Variants in EMC10 observed in about 807,000 individuals in gnomAD.
EMC10 encodes UPF0510 protein INM02.
EMC10 carries 40 observed loss-of-function variants against 32.2 expected under a neutral mutation model. The observed-to-expected ratio is 1.24, with a 90% CI of 0.96 to 1.61. The LOEUF (loss-of-function observed/expected upper bound fraction) is 1.61, where lower values mean the gene tolerates loss of function less well. Among genes scored for constraint, EMC10 ranks in the 40% most tolerant of loss-of-function variants. The pLI is 0.00. For missense variants in EMC10, 402 were observed against 357.7 expected, an observed-to-expected ratio of 1.12 and a Z score of -1.00; for synonymous variants, 178 against 158.4, an observed-to-expected ratio of 1.12 and a Z score of -0.93.
chr19:50,480,204 T>A lies in EMC10; in HGVS notation c.391T>A (p.Phe131Ile). The change falls in exon 4 of 7, where the codon TTT becomes ATT. Residue 131 changes from phenylalanine (F) to isoleucine (I), a missense_variant. Physicochemically the swap from Phe to Ile is conservative, Grantham distance 21 (BLOSUM62 0). Coordinates refer to ENST00000334976, the MANE Select transcript of EMC10 (RefSeq NM_206538.4). The surrounding 1 kb of genome is among the most constrained non-coding windows in gnomAD (Gnocchi z 4.4). Reference sequence around the variant, plus strand: ...GGAAGCTGGTGGCTATGTCTCCTCCTTTGTCCCTGCGGTGAGTTGGTGTCG... The same window carrying A: ...GGAAGCTGGTGGCTATGTCTCCTCCATTGTCCCTGCGGTGAGTTGGTGTCG... The part of the protein sequence containing the change: ...GLEAGGYVSS[F>I]VPACSLVESH... The A allele has an allele frequency of 6.2e-7, 1 of 1,613,670 alleles. No homozygotes were observed. Among genetic ancestry groups the A allele is most frequent in the Non-Finnish European group, 8.5e-7 (1 of 1,179,840 alleles).
At chr19:50,476,759 A>C in intron 1 of EMC10, 101 bp downstream of exon 1, 1 of 742,170 alleles carries the variant, frequency 1.3e-6, no homozygotes, top group East Asian at 3.2e-5. Context: ...CGCAGGGCTG[A>C]GAGGGAAGAG....
At chr19:50,481,394 G>A (rs2040317146) in intron 6 of EMC10, 1 of 219,646 alleles carries the variant, frequency 4.6e-6, no homozygotes, top group African/African-American at 2.3e-5. Context: ...CAGGGTGCCT[G>A]GGAGGCCTCC....
At position 50,482,199 on chromosome 19, in the gene EMC10, A is replaced by G. The variant is rs2122665014; in HGVS notation, c.729A>G (p.Pro243=). ...TGTTCCTCATGATGTCAGGAGCGCCAGACACCGGGGGCCAGGGTGGGGGTG... is the reference window on the plus strand; with the variant it reads ...TGTTCCTCATGATGTCAGGAGCGCCGGACACCGGGGGCCAGGGTGGGGGTG... ...VVLFLMMSGA[P]DTGGQGGGGG... The change falls in exon 7 of 7, where the codon CCA becomes CCG. Residue 243 remains proline, a synonymous_variant. Coordinates refer to ENST00000334976, the MANE Select transcript of EMC10 (RefSeq NM_206538.4). 1.1e-6 allele frequency: 1 copy of G among 933,380 alleles called. No homozygotes were observed. Among genetic ancestry groups the G allele is most frequent in the African/African-American group, 1.8e-5 (1 of 55,094 alleles). The allele number at this position is 933,380 out of a possible 1,614,324, so 57.8% of individuals were successfully genotyped here.
rs950016888 is a variant in EMC10 at position 50,488,106 on chromosome 19, C to T, written c.*5847C>T. ...AGGAGATCGAGACCGTCCTGGCTAA[C>T]ACGGTGAAACCCTGTCTCTACTAAA... On this transcript the variant is annotated 3_prime_UTR_variant, in exon 7 of 7. Transcript: ENST00000334976. 1.3e-5 allele frequency: 2 copies of T among 151,706 alleles called. No homozygotes were observed. Among genetic ancestry groups the T allele is most frequent in the East Asian group, 3.9e-4 (2 of 5,116 alleles). 9.4% of individuals were successfully genotyped at this position (151,706 alleles called of 1,614,324 possible).
chr19:50,489,579 CTGCCAGACCCGGCGGGTCCAGGT>C lies in EMC10; in HGVS notation c.*7323_*7345del, dbSNP rs1353110714. The C allele has an allele frequency of 6.6e-6, 1 of 152,452 alleles. No individual in the cohort carries two copies. The highest frequency in any genetic ancestry group is 6.5e-5 in the Admixed American group (1 of 15,288). The allele number at this position is 152,452 out of a possible 1,614,324, so 9.4% of individuals were successfully genotyped here. On this transcript the variant is annotated 3_prime_UTR_variant, in exon 7 of 7. Coordinates refer to ENST00000334976, the MANE Select transcript of EMC10 (RefSeq NM_206538.4). ...CAGCCCAGGCTACTGCGGGGACAGG[CTGCCAGACCCGGCGGGTCCAGGT>C]TGGGAACTCGGCCATGCAGCAGAAA... is the stretch of plus-strand genomic sequence containing the variant.
Position 50,480,729 on chromosome 19 carries a change from C to T in EMC10, c.551C>T (p.Ser184Leu), listed in dbSNP as rs369893864. The change falls in exon 5 of 7, where the codon TCG (serine) becomes TTG (leucine). Residue 184 changes from serine to leucine, a missense_variant. By Grantham distance (145) the Ser-to-Leu change is moderately radical (BLOSUM62 -2). Coordinates refer to ENST00000334976, the MANE Select transcript of EMC10 (RefSeq NM_206538.4). This position sits in a 1 kb window ranked among gnomAD's most constrained non-coding sequence, Gnocchi z 4.4. ...GTGGACCTGGAGCTGTTCAACACCT[C>T]GGTGCAGCTGCAGCCGCCCACCACA... The part of the protein sequence containing the change: ...EDVDLELFNT[S>L]VQLQPPTTAP... 3.0e-5 allele frequency: 48 copies of T among 1,602,642 alleles called. No homozygotes were observed. The highest frequency in any genetic ancestry group is 3.7e-5 in the Non-Finnish European group (44 of 1,175,360).
chr19:50,482,006 G>A lies in EMC10; in HGVS notation c.679-143G>A, dbSNP rs1340619420. On this transcript the variant is annotated intron_variant, in intron 6 of 6. Coordinates refer to ENST00000334976, the MANE Select transcript of EMC10 (RefSeq NM_206538.4). The stretch of plus-strand genomic sequence containing the variant: ...CCACTGGCCCTCCCTGACCTGTAGT[G>A]ACGTAGGGGACCTGGGCGCCCTCCC... 3.4e-5 allele frequency: 54 copies of A among 1,595,612 alleles called. No individual in the cohort carries two copies. In the East Asian group the frequency reaches 1.2e-3, roughly 36 times the overall value.
chr19:50,478,305 A>T (rs558709493), intron 2 of EMC10, among the ~76,000 whole-genome samples: 51 of 152,308 alleles, frequency 3.3e-4, no homozygotes, highest in African/African-American at 1.2e-3. Context: ...ATTAACTCAG[A>T]TGTCCTCACA....
intron 1 of EMC10, 46 bp downstream of exon 1, chr19:50,476,704 C>T (rs746374546): frequency 4.8e-6 from 6 of 1,258,784 alleles, no homozygotes; most frequent in African/African-American, 4.7e-5. Flanking sequence ...CTACGGATGT[C>T]GCAGGTCTTG....
intron 3 of EMC10, among the ~76,000 whole-genome samples, chr19:50,479,312 G>GCGGT (rs1376437841): frequency 2.0e-5 from 3 of 152,232 alleles, no homozygotes; most frequent in Non-Finnish European, 4.4e-5. Context: ...CCCTCTGCTG[G>GCGGT]CAGACCCCCT....
chr19:50,480,053 C>A lies in EMC10; in HGVS notation c.298-58C>A. The A allele has an allele frequency of 7.0e-7, 1 of 1,424,950 alleles. No individual in the cohort carries two copies. Among genetic ancestry groups the A allele is most frequent in the Admixed American group, 2.1e-5 (1 of 47,624 alleles). The allele number at this position is 1,424,950 out of a possible 1,614,324, so 88.3% of individuals were successfully genotyped here. A position where few individuals can be genotyped will look rare whatever the true frequency, so the allele number is the denominator to read the frequency against. On this transcript the variant is annotated intron_variant, in intron 3 of 6. Transcript: ENST00000334976. The surrounding 1 kb of genome is among the most constrained non-coding windows in gnomAD (Gnocchi z 4.4). ...CTTCGCGGAGGCCTGGTGGGCATCA[C>A]AGCCTGTCCAGGGCTGACACCATCC...
In EMC10 at chr19:50,480,673, C is replaced by T. The variant is rs10409679; in HGVS notation, c.495C>T (p.Pro165=). ...NVVGVSVVTH[P]GGCRGHEVED... ...TGGGCGTGTCGGTGGTGACGCACCC[C>T]GGGGGCTGCCGGGGCCATGAGGTGG... is the stretch of plus-strand genomic sequence containing the variant. The change falls in exon 5 of 7, where the codon CCC becomes CCT. Residue 165 remains proline, a synonymous_variant. Coordinates refer to ENST00000334976, the MANE Select transcript of EMC10 (RefSeq NM_206538.4). The surrounding 1 kb of genome is among the most constrained non-coding windows in gnomAD (Gnocchi z 4.4). The T allele has an allele frequency of 0.58, 933,474 of 1,598,970 alleles. 275,466 individuals carry two copies. The highest frequency in any genetic ancestry group is 0.7 in the Admixed American group (40,622 of 58,220).
intron 6 of EMC10, 84 bp from the exon 7 acceptor site, chr19:50,482,065 G>T (rs891508950): frequency 7.1e-7 from 1 of 1,412,956 alleles, no homozygotes; most frequent in Non-Finnish European, 1.0e-6. Context: ...GGTCCCCACC[G>T]TGGGTGGGTG....
rs114171963 is a variant in EMC10, at chr19:50,479,838, T to G, written c.298-273T>G. ...GGATCCAGGCACAGGGAAGGCGTCC[T>G]CAGGACCCACTCCATCGCTGGGCTG... On this transcript the variant is annotated intron_variant, in intron 3 of 6. Transcript: ENST00000334976. 2.7e-3 allele frequency among the ~76,000 whole-genome samples: 409 copies of G among 152,356 alleles called. 1 individual carries two copies. Among genetic ancestry groups the G allele is most frequent in the African/African-American group, 9.5e-3 (395 of 41,586 alleles).
intron 6 of EMC10, chr19:50,481,863 G>T: frequency 6.3e-7 from 1 of 1,577,194 alleles, no homozygotes. Context: ...CTCCCCAGTG[G>T]CACATCATCC....
intron 1 of EMC10, 99 bp downstream of exon 1, chr19:50,476,757 T>C (rs2040230187): frequency 7.8e-6 from 6 of 766,598 alleles, no homozygotes; most frequent in East Asian, 6.3e-5. Flanking sequence ...TGCGCAGGGC[T>C]GAGAGGGAAG....
rs2040352212 is a variant in EMC10, at chr19:50,483,284, A to G, written c.*1025A>G. ...CCAAGGAATGGCTGTCCCCATCCTC[A>G]TGTGGCTGTGTGGAGCTCAGCTGTG... is the stretch of plus-strand genomic sequence containing the variant. On this transcript the variant is annotated 3_prime_UTR_variant, in exon 7 of 7. Transcript: ENST00000334976. 2.6e-6 allele frequency: 1 copy of G among 378,462 alleles called. No homozygotes were observed. Among genetic ancestry groups the G allele is most frequent in the African/African-American group, 2.1e-5 (1 of 47,902 alleles). The allele number at this position is 378,462 out of a possible 1,614,324, so 23.4% of individuals were successfully genotyped here.
intron 2 of EMC10, 95 bp downstream of exon 2, chr19:50,478,096 C>T (rs568763539): frequency 9.8e-7 from 1 of 1,019,604 alleles, no homozygotes; most frequent in East Asian, 2.7e-5. Context: ...ATGACATTTA[C>T]TAACAACCAT....
chr19:50,483,121 G>T lies in EMC10; in HGVS notation c.*862G>T. 6.3e-6 allele frequency: 3 copies of T among 473,556 alleles called. No homozygotes were observed. Among genetic ancestry groups the T allele is most frequent in the South Asian group, 4.6e-5 (3 of 64,706 alleles). 29.3% of individuals were successfully genotyped at this position (473,556 alleles called of 1,614,324 possible). ...CCCTGTAAGTCTATTTAAAAACATC[G>T]ACGATACATTGAAATGTGTGAACGT... On this transcript the variant is annotated 3_prime_UTR_variant, in exon 7 of 7. Transcript: ENST00000334976.
Sources: gnomAD v4.1 joint callset for allele counts (sites outside exome capture counted in the v4.1 genomes callset) on GRCh38, gnomAD v4.1.1 for gene constraint, Gnocchi (gnomAD v3.1) non-coding constraint, MANE v1.5 for transcripts, NCBI Gene and HGNC (gene_info 2026-07-23, HGNC 2026-07-21) for gene names.